LRP6: variants seen among roughly 807,000 people sequenced by gnomAD.
LRP6 encodes the protein LDL receptor related protein 6, also known as low-density lipoprotein receptor-related protein 6.
A neutral mutation model predicts 184.1 loss-of-function variants in LRP6; 43 were observed. The observed-to-expected ratio is 0.23, with a 90% CI of 0.18 to 0.30. The LOEUF (loss-of-function observed/expected upper bound fraction) is 0.30, where lower values mean the gene tolerates loss of function less well. Among genes scored for constraint, LRP6 ranks in the 10% least tolerant of loss-of-function variants. The pLI, the probability that LRP6 is intolerant of heterozygous loss-of-function variation, is 1.00. For synonymous variants in LRP6, 719 were observed against 684.9 expected (o/e 1.05, Z -0.78); for missense variants, 1,571 against 2,005.3 (o/e 0.78, Z 4.14).
Position 12,124,645 on chromosome 12 carries a change from T to C in LRP6, c.4467A>G (p.Pro1489=). 6.2e-7 allele frequency: 1 copy of C among 1,611,350 alleles called. No individual in the cohort carries two copies. The highest frequency in any genetic ancestry group is 8.5e-7 in the Non-Finnish European group (1 of 1,178,096). Residue 1489 remains proline (P), a synonymous_variant, in exon 22 of 23, where the codon CCA becomes CCG. Transcript: ENST00000261349. ...TYFPAILNPP[P]SPATERSHYT... ...AATGTGATCGCTCTGTGGCTGGGGA[T>C]GGTGGAGGGTTCAAAATCTAAAAGA...
At chr12:12,261,262 T>C (rs1456691429) in intron 1 of LRP6, among the ~76,000 whole-genome samples, 5 of 151,698 alleles carry the variant, frequency 3.3e-5, no homozygotes, top group Admixed American at 3.3e-4. Flanking sequence ...CTACTAAAAA[T>C]ACAAAAAATT....
chr12:12,208,612 TACC>T (rs971557081), intron 2 of LRP6, among the ~76,000 whole-genome samples: 2 of 152,210 alleles, frequency 1.3e-5, no homozygotes, highest in African/African-American at 4.8e-5. Context: ...TAGGTGTCAC[TACC>T]ACATCACAAT....
chr12:12,250,842 G>C (rs1292623666), intron 1 of LRP6, among the ~76,000 whole-genome samples: 1 of 151,066 alleles, frequency 6.6e-6, no homozygotes, highest in African/African-American at 2.4e-5. Flanking sequence ...GGCTGGTCTC[G>C]AACTCCTAAC....
In LRP6 at chr12:12,164,551, A is replaced by C; in HGVS notation, c.1774T>G (p.Cys592Gly). The change falls in exon 9 of 23, where the codon TGT becomes GGT. Residue 592 changes from cysteine to glycine, a missense_variant. By Grantham distance (159) the Cys-to-Gly change is radical. This residue lies in a region of LRP6 where 640 missense variants were observed against 851.9 expected (regional missense o/e 0.75). Coordinates refer to ENST00000261349, the MANE Select transcript of LRP6 (RefSeq NM_002336.3). ...CTACATCCCCCGTTTTCCTCAGCAC[A>C]GGGGTTGGAACCTAAAAGATTAATT... ...NVHRVIGSNPCAEENGGCSHL... is the reference protein window; with the variant it reads ...NVHRVIGSNPGAEENGGCSHL... 1 of 1,614,144 alleles carries C rather than the reference A, an allele frequency of 6.2e-7. No individual in the cohort carries two copies. Among genetic ancestry groups the C allele is most frequent in the Non-Finnish European group, 8.5e-7 (1 of 1,180,004 alleles).
intron 1 of LRP6, among the ~76,000 whole-genome samples, chr12:12,256,648 A>C (rs1345921936): frequency 6.6e-6 from 1 of 152,116 alleles, no homozygotes; most frequent in South Asian, 2.1e-4. Flanking sequence ...CTCTACTAAA[A>C]ATACAAAAAT....
At position 12,173,795 on chromosome 12, in the gene LRP6, C is replaced by T. The variant is rs183344334; in HGVS notation, c.1545+6015G>A. 1.1e-4 allele frequency among the ~76,000 whole-genome samples: 16 copies of T among 152,222 alleles called. No homozygotes were observed. The East Asian group carries it at 2.9e-3, about 28-fold the overall frequency. On this transcript the variant is annotated intron_variant, in intron 7 of 22. Coordinates refer to ENST00000261349, the MANE Select transcript of LRP6 (RefSeq NM_002336.3). ...GCCACTGTGCCCAATAATCAACTAG[C>T]AATTTTCAAATAGGAATTCACAAAT...
chr12:12,212,977 G>A (rs1217636171), intron 2 of LRP6, among the ~76,000 whole-genome samples: 2 of 152,138 alleles, frequency 1.3e-5, no homozygotes, highest in Admixed American at 6.5e-5. Context: ...TGTCACTGTG[G>A]ATATTATAAA....
At position 12,117,941 on chromosome 12, in the gene LRP6, T is replaced by G. The variant is rs1256054521; in HGVS notation, c.*3185A>C. 6.6e-6 allele frequency: 1 copy of G among 152,204 alleles called. No individual in the cohort carries two copies. Among genetic ancestry groups the G allele is most frequent in the African/African-American group, 2.4e-5 (1 of 41,456 alleles). 9.4% of individuals were successfully genotyped at this position (152,204 alleles called of 1,614,324 possible). ...GCTCAAAGCCCCTTCCCCCAATTAC[T>G]GGCCTATATTAGATTAAAATGTACT... On this transcript the variant is annotated 3_prime_UTR_variant, in exon 23 of 23. Transcript: ENST00000261349.
At chr12:12,176,428 C>T (rs1181370094) in intron 7 of LRP6, among the ~76,000 whole-genome samples, 1 of 152,160 alleles carries the variant, frequency 6.6e-6, no homozygotes, top group African/African-American at 2.4e-5. Flanking sequence ...AGCCAAATAC[C>T]ACAACCATCT....
chr12:12,211,873 CAA>C (rs1386830701), intron 2 of LRP6, among the ~76,000 whole-genome samples: 3 of 152,148 alleles, frequency 2.0e-5, no homozygotes, highest in African/African-American at 7.2e-5. Flanking sequence ...CAACTATCAT[CAA>C]AGAAAATGCT....
intron 17 of LRP6, among the ~76,000 whole-genome samples, chr12:12,133,629 T>A (rs551742963): frequency 6.6e-6 from 1 of 152,242 alleles, no homozygotes; most frequent in East Asian, 1.9e-4. Context: ...TACACAGTTG[T>A]ATACATCTGT....
chr12:12,204,279 C>CAAA (rs61067494), intron 2 of LRP6, among the ~76,000 whole-genome samples: 138 of 96,198 alleles, frequency 1.4e-3, no homozygotes, highest in African/African-American at 4.8e-3. Flanking sequence ...TCATAAAAGT[C>CAAA]AAAAAAAAAA....
chr12:12,122,361 A>G (rs1252858142), intron 22 of LRP6, among the ~76,000 whole-genome samples: 1 of 152,208 alleles, frequency 6.6e-6, no homozygotes, highest in African/African-American at 2.4e-5. Flanking sequence ...AGATTTTTTC[A>G]TAAGCTTTCT....
At chr12:12,212,463 C>T (rs1214767265) in intron 2 of LRP6, among the ~76,000 whole-genome samples, 1 of 152,104 alleles carries the variant, frequency 6.6e-6, no homozygotes, top group African/African-American at 2.4e-5. Flanking sequence ...ACACCTTGTC[C>T]CTCTAGCCAA....
At chr12:12,260,914 T>G (rs1343648847) in intron 1 of LRP6, among the ~76,000 whole-genome samples, 1 of 152,192 alleles carries the variant, frequency 6.6e-6, no homozygotes, top group Non-Finnish European at 1.5e-5. Flanking sequence ...ATGGCCTAAA[T>G]AGCACTAAAC....
chr12:12,206,379 A>T (rs1019715552), intron 2 of LRP6, among the ~76,000 whole-genome samples: 1 of 151,576 alleles, frequency 6.6e-6, no homozygotes, highest in Admixed American at 6.6e-5. Context: ...TGTCTCTATT[A>T]AAAATACAAA....
At chr12:12,155,646 C>A in intron 12 of LRP6, 2 of 941,626 alleles carry the variant, frequency 2.1e-6, no homozygotes, top group Non-Finnish European at 3.5e-6. Context: ...AGAAAGAAGC[C>A]AAAGAGAAAG....
intron 16 of LRP6, among the ~76,000 whole-genome samples, chr12:12,136,877 AAT>A (rs1949847880): frequency 6.6e-6 from 1 of 152,180 alleles, no homozygotes; most frequent in Non-Finnish European, 1.5e-5. Flanking sequence ...ATCATATTTA[AAT>A]AGTTATTAAA....
intron 1 of LRP6, among the ~76,000 whole-genome samples, chr12:12,255,183 C>T (rs139811881): frequency 1.8e-3 from 271 of 152,200 alleles, no homozygotes; most frequent in Non-Finnish European, 3.2e-3. Flanking sequence ...ATTGACTTGG[C>T]TTGAATAAAC....
Sources: allele counts gnomAD v4.1 joint callset (sites outside exome capture counted in the v4.1 genomes callset), GRCh38; gene constraint gnomAD v4.1.1; regional missense constraint gnomAD v4.1.1; transcripts MANE v1.5; gene names NCBI Gene and HGNC (gene_info 2026-07-23, HGNC 2026-07-21).